ZNF592: variants seen among roughly 807,000 people sequenced by gnomAD.
ZNF592 encodes the protein zinc finger protein 592.
A neutral mutation model predicts 80.3 loss-of-function variants in ZNF592; 11 were observed. The ratio of observed to expected loss-of-function variants is 0.14; its 90% confidence interval spans 0.09 to 0.23. The LOEUF (loss-of-function observed/expected upper bound fraction) is 0.23. Ranked by LOEUF, ZNF592 falls within the 10% of genes least tolerant of loss-of-function variation. The pLI, the probability that ZNF592 is intolerant of heterozygous loss-of-function variation, is 1.00. For synonymous variants in ZNF592, 646 were observed against 640.3 expected, an observed-to-expected ratio of 1.01 and a Z score of -0.13; for missense variants, 1,420 against 1,633.9, an observed-to-expected ratio of 0.87 and a Z score of 2.26.
intron 1 of ZNF592, among the ~76,000 whole-genome samples, chr15:84,749,660 GAGGGC>G (rs1483137425): frequency 2.0e-5 from 3 of 152,182 alleles, no homozygotes; most frequent in Non-Finnish European, 4.4e-5. Flanking sequence ...TGTGCTCATG[GAGGGC>G]CTGTAGGGTG....
At chr15:84,793,528 G>A (rs1027723623) in intron 5 of ZNF592, among the ~76,000 whole-genome samples, 3 of 152,238 alleles carry the variant, frequency 2.0e-5, no homozygotes, top group African/African-American at 4.8e-5. Flanking sequence ...GTGACTCAGC[G>A]AAAGGGATTA....
At chr15:84,755,281 T>C (rs1397889508) in intron 1 of ZNF592, among the ~76,000 whole-genome samples, 1 of 152,006 alleles carries the variant, frequency 6.6e-6, no homozygotes, top group Non-Finnish European at 1.5e-5. Flanking sequence ...TTGAAAACTT[T>C]AAAGAAGTTT....
intron 4 of ZNF592, among the ~76,000 whole-genome samples, chr15:84,788,507 T>C (rs1468770774): frequency 6.6e-6 from 1 of 152,244 alleles, no homozygotes. Context: ...TGTGAGTTGA[T>C]ACCCTGACAA....
chr15:84,762,730 T>G (rs1317924547), intron 1 of ZNF592, among the ~76,000 whole-genome samples: 1 of 152,306 alleles, frequency 6.6e-6, no homozygotes, highest in African/African-American at 2.4e-5. Flanking sequence ...CCCCCTGACC[T>G]TGCCAGGAAT....
At position 84,798,390 on chromosome 15, in the gene ZNF592, C is replaced by T. The variant is rs1203802377; in HGVS notation, c.2652C>T (p.Val884=). The T allele has an allele frequency of 2.5e-6, 4 of 1,614,092 alleles. No homozygotes were observed. The highest frequency in any genetic ancestry group is 3.4e-6 in the Non-Finnish European group (4 of 1,180,046). The change falls in exon 7 of 11, where the codon GTC becomes GTT. Residue 884 remains valine, a synonymous_variant. Coordinates refer to ENST00000560079, the MANE Select transcript of ZNF592 (RefSeq NM_014630.3). This position sits in a 1 kb window ranked among gnomAD's most constrained non-coding sequence, Gnocchi z 4.5. ...TTCAGCAGCATTTTTACCAGAATGT[C>T]AGCAAGACGCAGGTGGGCGTCTTCA... ...RHIQQHFYQN[V]SKTQVGVFKC... is the part of the protein sequence containing the mutation.
intron 2 of ZNF592, among the ~76,000 whole-genome samples, chr15:84,765,870 G>C (rs1294633744): frequency 6.6e-6 from 1 of 152,050 alleles, no homozygotes; most frequent in Non-Finnish European, 1.5e-5. Context: ...ATCCTGATGA[G>C]TGTGTGATTG....
chr15:84,749,741 C>G (rs1898957836), intron 1 of ZNF592, among the ~76,000 whole-genome samples: 1 of 152,154 alleles, frequency 6.6e-6, no homozygotes, highest in Admixed American at 6.6e-5. Flanking sequence ...CAGACAGATT[C>G]CTGGCCTGGT....
rs1272530765 is a variant in ZNF592 at position 84,799,267 on chromosome 15, G to T, written c.3137+57G>T. On this transcript the variant is annotated intron_variant, in intron 9 of 10. Coordinates refer to ENST00000560079, the MANE Select transcript of ZNF592 (RefSeq NM_014630.3). The surrounding 1 kb of genome is among the most constrained non-coding windows in gnomAD (Gnocchi z 4.2). ...TGAGGTTCAAAAGACTCTGTCCGTGGCACCACTGGGGCTTTTCTGTGCTGC... is the reference window on the plus strand; with the variant it reads ...TGAGGTTCAAAAGACTCTGTCCGTGTCACCACTGGGGCTTTTCTGTGCTGC... The T allele has an allele frequency of 1.1e-5, 17 of 1,511,526 alleles. No individual in the cohort carries two copies. Among genetic ancestry groups the T allele is most frequent in the Non-Finnish European group, 1.5e-5 (16 of 1,086,696 alleles). 93.6% of individuals were successfully genotyped at this position (1,511,526 alleles called of 1,614,324 possible).
At chr15:84,769,048 C>T (rs1899621835) in intron 2 of ZNF592, among the ~76,000 whole-genome samples, 1 of 152,146 alleles carries the variant, frequency 6.6e-6, no homozygotes, top group South Asian at 2.1e-4. Context: ...TCAAGCAATT[C>T]TCCTGCCTCA....
At chr15:84,772,405 C>A (rs1257148179) in intron 2 of ZNF592, among the ~76,000 whole-genome samples, 4 of 151,986 alleles carry the variant, frequency 2.6e-5, no homozygotes, top group Non-Finnish European at 5.9e-5. Context: ...AAAAAACTGG[C>A]CAGGCGTGGT....
Position 84,758,022 on chromosome 15 carries a change from G to C in ZNF592, c.-258-6685G>C, listed in dbSNP as rs28853087. Among the ~76,000 whole-genome samples, 300 of 149,302 alleles carry C rather than the reference G, an allele frequency of 2.0e-3. 1 individual carries two copies. Among genetic ancestry groups the C allele is most frequent in the African/African-American group, 6.9e-3 (279 of 40,396 alleles). On this transcript the variant is annotated intron_variant, in intron 1 of 10. Coordinates refer to ENST00000560079, the MANE Select transcript of ZNF592 (RefSeq NM_014630.3). ...GAGTCTTGCTCTGTCGCCCAGGCTA[G>C]AGTGCAGTGGCAAGATCTCGGCTCA...
intron 1 of ZNF592, among the ~76,000 whole-genome samples, chr15:84,761,109 A>G (rs925122888): frequency 1.3e-5 from 2 of 152,104 alleles, no homozygotes; most frequent in African/African-American, 4.8e-5. Flanking sequence ...GATTACAGGC[A>G]TGCGTCACCA....
chr15:84,749,337 A>T (rs1319909778), intron 1 of ZNF592, among the ~76,000 whole-genome samples: 3 of 152,210 alleles, frequency 2.0e-5, no homozygotes, highest in Non-Finnish European at 4.4e-5. Context: ...GAGGGAGGAC[A>T]GGAGAGCGTC....
intron 4 of ZNF592, among the ~76,000 whole-genome samples, chr15:84,789,191 T>C (rs901469455): frequency 4.6e-5 from 7 of 151,446 alleles, no homozygotes; most frequent in Non-Finnish European, 1.5e-5. Flanking sequence ...GAGGCTGCGG[T>C]GAGCCAAGAT....
intron 4 of ZNF592, among the ~76,000 whole-genome samples, chr15:84,785,163 A>G (rs770676436): frequency 2.0e-4 from 31 of 152,332 alleles, no homozygotes; most frequent in South Asian, 4.1e-4. Flanking sequence ...GTCAAGGCCC[A>G]GTGTCAGGCC....
Position 84,771,389 on chromosome 15 carries a change from G to A in ZNF592, c.-150+6574G>A, listed in dbSNP as rs751302248. 7.2e-5 allele frequency among the ~76,000 whole-genome samples: 11 copies of A among 152,122 alleles called. 1 individual carries two copies. The highest frequency in any genetic ancestry group is 2.9e-5 in the Non-Finnish European group (2 of 68,028). ...TAGGTTTGTGTTTGAGGCCCTGGTGGGTTGGGGTATCAGGTATTCTCTAGT... is the reference window on the plus strand; with the variant it reads ...TAGGTTTGTGTTTGAGGCCCTGGTGAGTTGGGGTATCAGGTATTCTCTAGT... On this transcript the variant is annotated intron_variant, in intron 2 of 10. Coordinates refer to ENST00000560079, the MANE Select transcript of ZNF592 (RefSeq NM_014630.3).
intron 2 of ZNF592, among the ~76,000 whole-genome samples, chr15:84,773,451 T>C (rs1219663649): frequency 6.6e-6 from 1 of 152,046 alleles, no homozygotes; most frequent in Non-Finnish European, 1.5e-5. Context: ...GACCTCGTGA[T>C]CCACCCGCCT....
chr15:84,796,499 C>A (rs1034364737), intron 5 of ZNF592, among the ~76,000 whole-genome samples: 2 of 151,366 alleles, frequency 1.3e-5, no homozygotes, highest in African/African-American at 4.9e-5. Flanking sequence ...TATGTGTGTT[C>A]TTGGGCAGGA....
chr15:84,755,250 G>A (rs1291360275), intron 1 of ZNF592, among the ~76,000 whole-genome samples: 1 of 151,508 alleles, frequency 6.6e-6, no homozygotes, highest in Admixed American at 6.6e-5. Context: ...ACAGGCATGA[G>A]TCACTGCACC....
Sources: allele counts gnomAD v4.1 joint callset (sites outside exome capture counted in the v4.1 genomes callset), GRCh38; gene constraint gnomAD v4.1.1; non-coding constraint Gnocchi (gnomAD v3.1); transcripts MANE v1.5; gene names NCBI Gene and HGNC (gene_info 2026-07-23, HGNC 2026-07-21).